The following FBLIM1 variants were observed in gnomAD, a reference collection of about 807,000 sequenced individuals.
FBLIM1 encodes filamin-binding LIM protein 1.
In FBLIM1, 29 loss-of-function variants were observed where a neutral mutation model predicts 37.4. The ratio of observed to expected loss-of-function variants is 0.77; its 90% CI spans 0.58 to 1.06. FBLIM1 has a LOEUF of 1.06. FBLIM1 is among the 50% of genes least tolerant of loss of function. The pLI, the probability that FBLIM1 is intolerant of heterozygous loss-of-function variation, is 0.00. For missense variants in FBLIM1, 449 were observed against 505.6 expected, an observed-to-expected ratio of 0.89 and a Z score of 1.07; for synonymous variants, 193 against 199.0, an observed-to-expected ratio of 0.97 and a Z score of 0.25.
At chr1:15,784,415 G>A in intron 8 of FBLIM1, 133 bp from the exon 9 acceptor site, 1 of 651,430 alleles carries the variant, frequency 1.5e-6, no homozygotes, top group Non-Finnish European at 2.7e-6. Flanking sequence ...GCAGTGAGCA[G>A]CCTCCTTCCT....
Position 15,784,912 on chromosome 1 carries a change from C to A in FBLIM1, c.*251C>A. On this transcript the variant is annotated 3_prime_UTR_variant, in exon 9 of 9. Transcript: ENST00000375766. ...CCCAGAATTCCCTGCTGACCCTGCCCCACTTCCAGGGAAAAGCTGGGGGAG... is the reference window on the plus strand; with the variant it reads ...CCCAGAATTCCCTGCTGACCCTGCCACACTTCCAGGGAAAAGCTGGGGGAG... 2.6e-6 allele frequency: 1 copy of A among 379,364 alleles called. No homozygotes were observed. Among genetic ancestry groups the A allele is most frequent in the Admixed American group, 4.0e-5 (1 of 24,918 alleles). The allele number at this position is 379,364 out of a possible 1,614,324, so 23.5% of individuals were successfully genotyped here.
intron 4 of FBLIM1, among the ~76,000 whole-genome samples, chr1:15,767,884 GTT>G (rs1427179373): frequency 1.3e-5 from 2 of 151,972 alleles, no homozygotes; most frequent in East Asian, 3.9e-4. Context: ...CTGGATTTTT[GTT>G]TGTTTGTTTG....
intron 3 of FBLIM1, among the ~76,000 whole-genome samples, chr1:15,766,827 A>G (rs919715833): frequency 1.3e-5 from 2 of 150,470 alleles, no homozygotes; most frequent in Admixed American, 6.6e-5. Flanking sequence ...TTCCAACCTC[A>G]GGTGATCTGC....
Position 15,758,879 on chromosome 1 carries a change from C to T in FBLIM1, c.-211+31C>T, listed in dbSNP as rs574018437. ...CGGGCCGGGTGGGTGGGGGTCGCGT[C>T]CCTCCGTCCCTGTCCCCGGTGCACA... On this transcript the variant is annotated intron_variant, in intron 1 of 8. Coordinates refer to ENST00000375766, the MANE Select transcript of FBLIM1 (RefSeq NM_017556.4). This position sits in a 1 kb window ranked among gnomAD's most constrained non-coding sequence, Gnocchi z 6.2. 46 of 151,970 alleles carry T rather than the reference C, an allele frequency of 3.0e-4. No individual in the cohort carries two copies. The highest frequency in any genetic ancestry group is 1.1e-3 in the African/African-American group (44 of 41,508). 9.4% of individuals were successfully genotyped at this position (151,970 alleles called of 1,614,324 possible).
intron 7 of FBLIM1, chr1:15,776,866 CAAAAA>C (rs36071270): frequency 3.6e-4 from 25 of 68,760 alleles, no homozygotes; most frequent in East Asian, 4.5e-4. Flanking sequence ...AACTCCATCT[CAAAAA>C]AAAAAAAAAA....
In FBLIM1 at chr1:15,786,140, C is replaced by G. The variant is rs1211276532; in HGVS notation, c.*1479C>G. ...GCCTGTGTTGTAACCTCTGCGTCCT[C>G]AAGACCACACCTGGAAGATTCTTCT... On this transcript the variant is annotated 3_prime_UTR_variant, in exon 9 of 9. Transcript: ENST00000375766. 2 of 152,298 alleles carry G rather than the reference C, an allele frequency of 1.3e-5. No homozygotes were observed. The highest frequency in any genetic ancestry group is 6.5e-5 in the Admixed American group (1 of 15,278). The allele number at this position is 152,298 out of a possible 1,614,324, so 9.4% of individuals were successfully genotyped here.
intron 8 of FBLIM1, among the ~76,000 whole-genome samples, chr1:15,782,061 C>T (rs2069658026): frequency 6.6e-6 from 1 of 151,764 alleles, no homozygotes; most frequent in Non-Finnish European, 1.5e-5. Context: ...TCATTGACAT[C>T]ACCTTGTTTA....
At chr1:15,759,446 C>A (rs1029902630) in intron 1 of FBLIM1, among the ~76,000 whole-genome samples, 15 of 152,170 alleles carry the variant, frequency 9.9e-5, no homozygotes. Flanking sequence ...CTACCCCTCA[C>A]CTCCCACCCA....
chr1:15,769,297 T>C (rs953498020), intron 5 of FBLIM1, among the ~76,000 whole-genome samples: 5 of 151,778 alleles, frequency 3.3e-5, no homozygotes, highest in Admixed American at 6.6e-5. Flanking sequence ...GCCAACATGG[T>C]GAAATGCTGT....
At chr1:15,761,501 G>A (rs1053389967) in intron 1 of FBLIM1, among the ~76,000 whole-genome samples, 7 of 152,146 alleles carry the variant, frequency 4.6e-5, no homozygotes, top group African/African-American at 1.4e-4. Context: ...TGCCTTATCA[G>A]CAAGTCGTTT....
intron 8 of FBLIM1, among the ~76,000 whole-genome samples, chr1:15,784,262 C>G (rs911539160): frequency 2.6e-5 from 4 of 152,184 alleles, no homozygotes; most frequent in African/African-American, 9.6e-5. Context: ...TCCCTGAACC[C>G]TCAGGGGACT....
intron 5 of FBLIM1, 94 bp from the exon 6 acceptor site, chr1:15,770,315 C>A: frequency 1.4e-6 from 2 of 1,383,028 alleles, no homozygotes; most frequent in Admixed American, 2.1e-5. Flanking sequence ...GGGTTTAAGA[C>A]AGAGCCTCGG....
At chr1:15,766,328 G>A (rs1204727898) in intron 3 of FBLIM1, among the ~76,000 whole-genome samples, 1 of 151,910 alleles carries the variant, frequency 6.6e-6, no homozygotes, top group Non-Finnish European at 1.5e-5. Flanking sequence ...ACGAAGTCTC[G>A]CTCTGTCACC....
chr1:15,759,141 G>C (rs1372641852), intron 1 of FBLIM1, among the ~76,000 whole-genome samples: 1 of 152,146 alleles, frequency 6.6e-6, no homozygotes, highest in African/African-American at 2.4e-5. Context: ...GACCCGGCGC[G>C]CAGGGCGGAA....
chr1:15,756,794 C>T (rs894409479), upstream of FBLIM1: 11 of 152,286 alleles, frequency 7.2e-5, no homozygotes, highest in Admixed American at 7.2e-4. Context: ...ATGTGGGAAG[C>T]CTGGGTCCTA....
At chr1:15,775,221 CAAAAA>C (rs34843894) in intron 7 of FBLIM1, 20 of 48,326 alleles carry the variant, frequency 4.1e-4, no homozygotes, top group South Asian at 8.4e-4. Context: ...GACTCCGTCT[CAAAAA>C]AAAAAAAAAA....
At chr1:15,775,671 C>G (rs926888842) in intron 7 of FBLIM1, among the ~76,000 whole-genome samples, 24 of 152,140 alleles carry the variant, frequency 1.6e-4, no homozygotes, top group Admixed American at 1.3e-4. Context: ...CAGGAACCCC[C>G]ACATGTTCAG....
chr1:15,759,748 C>A (rs1213532754), intron 1 of FBLIM1, among the ~76,000 whole-genome samples: 1 of 152,194 alleles, frequency 6.6e-6, no homozygotes, highest in African/African-American at 2.4e-5. Context: ...GGTCACCCCG[C>A]AGGAAAGAAG....
intron 5 of FBLIM1, among the ~76,000 whole-genome samples, chr1:15,769,945 T>A (rs1186372804): frequency 6.6e-6 from 1 of 151,872 alleles, no homozygotes; most frequent in Non-Finnish European, 1.5e-5. Context: ...TTATTTTTTT[T>A]AATTTTTATT....
Sources: gnomAD v4.1 joint callset for allele counts (sites outside exome capture counted in the v4.1 genomes callset) on GRCh38, gnomAD v4.1.1 for gene constraint, Gnocchi (gnomAD v3.1) non-coding constraint, MANE v1.5 for transcripts, NCBI Gene and HGNC (gene_info 2026-07-23, HGNC 2026-07-21) for gene names.